The following ITGA11 variants were observed in gnomAD, a reference collection of about 807,000 sequenced individuals.
ITGA11 encodes the protein integrin alpha-11.
Under a neutral mutation model 141.9 loss-of-function variants are expected in ITGA11, and 97 were observed. The ratio of observed to expected loss-of-function variants is 0.68; its 90% CI spans 0.58 to 0.81. The LOEUF (loss-of-function observed/expected upper bound fraction) is 0.81, where lower values mean the gene tolerates loss of function less well. Among genes scored for constraint, ITGA11 ranks in the 30% least tolerant of loss-of-function variants. The pLI is 0.00. For missense variants in ITGA11, 1,387 were observed against 1,559.2 expected, an observed-to-expected ratio of 0.89 and a Z score of 1.86; for synonymous variants, 658 against 624.6, an observed-to-expected ratio of 1.05 and a Z score of -0.80.
intron 1 of ITGA11, among the ~76,000 whole-genome samples, chr15:68,423,159 C>G (rs1358160519): frequency 1.3e-5 from 2 of 152,120 alleles, no homozygotes; most frequent in African/African-American, 4.8e-5. Flanking sequence ...TGTGCAAGAC[C>G]CGGGGATACA....
intron 2 of ITGA11, among the ~76,000 whole-genome samples, chr15:68,392,393 C>T (rs368884887): frequency 1.3e-5 from 2 of 152,340 alleles, no homozygotes; most frequent in Non-Finnish European, 1.5e-5. Context: ...AGCTTTTCCT[C>T]TGAGGGCATT....
intron 1 of ITGA11, among the ~76,000 whole-genome samples, chr15:68,431,059 G>C (rs1334917156): frequency 1.3e-5 from 2 of 152,264 alleles, no homozygotes; most frequent in Non-Finnish European, 2.9e-5. Context: ...CCGAGGCGCT[G>C]GCCCTTGCCG....
At chr15:68,427,778 C>T (rs551368770) in intron 1 of ITGA11, among the ~76,000 whole-genome samples, 4 of 152,084 alleles carry the variant, frequency 2.6e-5, no homozygotes, top group Non-Finnish European at 4.4e-5. Flanking sequence ...TGTGGAGGGT[C>T]GCCCTTGGAC....
chr15:68,417,754 C>T (rs1434757283), intron 1 of ITGA11, among the ~76,000 whole-genome samples: 1 of 152,224 alleles, frequency 6.6e-6, no homozygotes, highest in African/African-American at 2.4e-5. Flanking sequence ...CATTTGCAGT[C>T]CCCTTTGTCT....
In ITGA11 at chr15:68,364,768, C is replaced by T. The variant is rs750248474; in HGVS notation, c.296G>A (p.Arg99Gln). The change falls in exon 4 of 30, where the codon CGG becomes CAG. Residue 99 changes from arginine to glutamine, a missense_variant. By Grantham distance (43) the Arg-to-Gln change is conservative. Transcript: ENST00000315757. ...AAGGCCGAGGCGCATGTTGTCTTTC[C>T]GCTCGGACACGTTGGACAGGGTGAC... ...GRVTLSNVSE[R>Q]KDNMRLGLSL... 438 of 1,613,626 alleles carry T rather than the reference C, an allele frequency of 2.7e-4. 1 individual carries two copies. Among genetic ancestry groups the T allele is most frequent in the Non-Finnish European group, 3.4e-4 (400 of 1,179,814 alleles).
chr15:68,388,063 G>A (rs902581327), intron 2 of ITGA11, among the ~76,000 whole-genome samples: 1 of 152,144 alleles, frequency 6.6e-6, no homozygotes, highest in Admixed American at 6.5e-5. Context: ...AAACCAATGA[G>A]TCCAAAGCTC....
intron 22 of ITGA11, among the ~76,000 whole-genome samples, chr15:68,314,145 C>T (rs1893490293): frequency 6.6e-6 from 1 of 152,202 alleles, no homozygotes; most frequent in South Asian, 2.1e-4. Context: ...ACGGACTGGA[C>T]CCCAGCCTGT....
At chr15:68,384,309 G>T (rs1310548918) in intron 2 of ITGA11, among the ~76,000 whole-genome samples, 2 of 150,306 alleles carry the variant, frequency 1.3e-5, no homozygotes, top group Non-Finnish European at 3.0e-5. Context: ...AAGGAGAGAA[G>T]AGGAAAAAAA....
rs141207460 is a variant in ITGA11 at position 68,333,360 on chromosome 15, C to T, written c.1426-882G>A. 1.1e-3 allele frequency among the ~76,000 whole-genome samples: 167 copies of T among 152,300 alleles called. 1 individual carries two copies. The highest frequency in any genetic ancestry group is 3.4e-3 in the Middle Eastern group (1 of 294). ...CAGTGATCCTCCCACCTCAGCCTCT[C>T]AAAGTGCTGGGATTACAGGTGTAAG... On this transcript the variant is annotated intron_variant, in intron 12 of 29. Coordinates refer to ENST00000315757, the MANE Select transcript of ITGA11 (RefSeq NM_001004439.2). This position sits in a 1 kb window ranked among gnomAD's most constrained non-coding sequence, Gnocchi z 4.2.
chr15:68,317,193 C>T, intron 21 of ITGA11, 72 bp downstream of exon 21: 1 of 1,068,664 alleles, frequency 9.4e-7, no homozygotes, highest in Non-Finnish European at 1.5e-6. Flanking sequence ...GTTGCTCTTG[C>T]CGCCCTCCCC....
rs749922264 is a variant in ITGA11, at chr15:68,402,937, C to T, written c.145G>A (p.Asp49Asn). ...ACTCACCACTTATTGCCACTGATGTCGTGCTGCTGCACTGTGTAGCCAAAG... is the reference window on the plus strand; with the variant it reads ...ACTCACCACTTATTGCCACTGATGTTGTGCTGCTGCACTGTGTAGCCAAAG... ...AFFGYTVQQH[D>N]ISGNKWLVVG... The change falls in exon 2 of 30, where the codon GAC becomes AAC. Residue 49 changes from aspartate (D) to asparagine (N), a missense_variant. Physicochemically the swap from Asp to Asn is conservative, Grantham distance 23. Coordinates refer to ENST00000315757, the MANE Select transcript of ITGA11 (RefSeq NM_001004439.2). 19 of 1,613,024 alleles carry T rather than the reference C, an allele frequency of 1.2e-5. No homozygotes were observed. The highest frequency in any genetic ancestry group is 1.2e-4 in the Admixed American group (7 of 59,940).
At chr15:68,357,643 T>A (rs1277922544) in intron 6 of ITGA11, among the ~76,000 whole-genome samples, 1 of 151,896 alleles carries the variant, frequency 6.6e-6, no homozygotes, top group African/African-American at 2.4e-5. Context: ...GGGTGGAAGG[T>A]CACAGTGTTT....
At position 68,324,340 on chromosome 15, in the gene ITGA11, G is replaced by A. The variant is rs3784337; in HGVS notation, c.2322+791C>T. On this transcript the variant is annotated intron_variant, in intron 18 of 29. Coordinates refer to ENST00000315757, the MANE Select transcript of ITGA11 (RefSeq NM_001004439.2). The surrounding 1 kb of genome is among the most constrained non-coding windows in gnomAD (Gnocchi z 6.3). ...TAATTCTGAAACTGCTTCCTGGCTG[G>A]ACTCTGTCACTCACACAGACGTTGC... 0.24 allele frequency among the ~76,000 whole-genome samples: 35,988 copies of A among 152,102 alleles called. 5,323 individuals carry two copies. Among genetic ancestry groups the A allele is most frequent in the East Asian group, 0.52 (2,668 of 5,136 alleles).
intron 7 of ITGA11, among the ~76,000 whole-genome samples, chr15:68,356,539 A>G (rs935528941): frequency 6.6e-6 from 1 of 152,220 alleles, no homozygotes; most frequent in East Asian, 1.9e-4. Context: ...CCTACTTCTT[A>G]TAGAGTGTCT....
In ITGA11 at chr15:68,326,721, A is replaced by G; in HGVS notation, c.2144T>C (p.Phe715Ser). The change falls in exon 17 of 30, where the codon TTC becomes TCC. Residue 715 changes from phenylalanine (F) to serine (S), a missense_variant. Coordinates refer to ENST00000315757, the MANE Select transcript of ITGA11 (RefSeq NM_001004439.2). This position sits in a 1 kb window ranked among gnomAD's most constrained non-coding sequence, Gnocchi z 6.8. ...GGAGAGCAGTACGGCTCTGTTGGTG[A>G]ATCGGTCCCCGCCCTCGTCCAGGTG... The part of the protein sequence containing the change: ...RAHLDEGGDR[F>S]TNRAVLLSSG... The G allele has an allele frequency of 6.3e-7, 1 of 1,584,428 alleles. No individual in the cohort carries two copies. The highest frequency in any genetic ancestry group is 8.6e-7 in the Non-Finnish European group (1 of 1,165,366).
At position 68,325,081 on chromosome 15, in the gene ITGA11, G is replaced by A. The variant is rs2140294357; in HGVS notation, c.2322+50C>T. ...CTCTGGGCTTTGGGGTTGAGGTGGA[G>A]GTGGGGGTGGGGTTCATGCCCGAGG... On this transcript the variant is annotated intron_variant, in intron 18 of 29. Transcript: ENST00000315757. The surrounding 1 kb of genome is among the most constrained non-coding windows in gnomAD (Gnocchi z 5.5). The A allele has an allele frequency of 7.5e-7, 1 of 1,327,198 alleles. No homozygotes were observed. The highest frequency in any genetic ancestry group is 1.4e-5 in the African/African-American group (1 of 69,510). 82.2% of individuals were successfully genotyped at this position (1,327,198 alleles called of 1,614,324 possible). A position where few individuals can be genotyped will look rare whatever the true frequency, so the allele number is the denominator to read the frequency against.
chr15:68,313,048 G>A (rs1893447843), intron 23 of ITGA11, among the ~76,000 whole-genome samples, 185 bp from the exon 24 acceptor site: 2 of 152,236 alleles, frequency 1.3e-5, no homozygotes, highest in African/African-American at 4.8e-5. Flanking sequence ...AATCAGCGCT[G>A]CCATGGGTGA....
chr15:68,361,217 C>T (rs566404857), intron 5 of ITGA11, among the ~76,000 whole-genome samples: 4 of 152,260 alleles, frequency 2.6e-5, no homozygotes, highest in African/African-American at 4.8e-5. Flanking sequence ...CATCAGGGGG[C>T]GCCATTCATA....
Position 68,328,644 on chromosome 15 carries a change from G to C in ITGA11, c.1902-382C>G, listed in dbSNP as rs1894060613. Among the ~76,000 whole-genome samples the C allele has an allele frequency of 6.6e-6, 1 of 152,158 alleles. No homozygotes were observed. Among genetic ancestry groups the C allele is most frequent in the African/African-American group, 2.4e-5 (1 of 41,408 alleles). On this transcript the variant is annotated intron_variant, in intron 15 of 29. Transcript: ENST00000315757. The surrounding 1 kb of genome is among the most constrained non-coding windows in gnomAD (Gnocchi z 4.8). ...AGCTTAAAAAAATCCTGGTGCCTCAGCTACACCCTAGGCAAAACCACATCA... is the reference window on the plus strand; with the variant it reads ...AGCTTAAAAAAATCCTGGTGCCTCACCTACACCCTAGGCAAAACCACATCA...
Sources: allele counts gnomAD v4.1 joint callset (sites outside exome capture counted in the v4.1 genomes callset), GRCh38; gene constraint gnomAD v4.1.1; non-coding constraint Gnocchi (gnomAD v3.1); transcripts MANE v1.5; gene names NCBI Gene and HGNC (gene_info 2026-07-23, HGNC 2026-07-21).